Variants in SFMBT2 observed in about 807,000 individuals in gnomAD.
SFMBT2 encodes Scm like with four mbt domains 2, also known as scm-like with four MBT domains protein 2.
In SFMBT2, 38 loss-of-function variants were observed where a neutral mutation model predicts 110.1. That is an observed-to-expected ratio of 0.35 (90% CI 0.27 to 0.45). The LOEUF is 0.45. Among genes scored for constraint, SFMBT2 ranks in the 20% least tolerant of loss-of-function variants. SFMBT2 has a pLI of 1.00. For missense variants in SFMBT2, 1,011 were observed against 1,094.9 expected (o/e 0.92, Z 1.08); for synonymous variants, 425 against 425.4 (o/e 1.00, Z 0.01).
chr10:7,391,551 C>T (rs1424367474), intron 1 of SFMBT2, among the ~76,000 whole-genome samples: 3 of 151,984 alleles, frequency 2.0e-5, no homozygotes, highest in Non-Finnish European at 4.4e-5. Context: ...CTTCCCCCTA[C>T]GTCCACCCAG....
intron 9 of SFMBT2, among the ~76,000 whole-genome samples, chr10:7,228,726 T>TC (rs1370650924): frequency 2.6e-4 from 28 of 106,040 alleles, no homozygotes; most frequent in African/African-American, 8.9e-4. Flanking sequence ...TTTCTTTCTT[T>TC]CTTTCTTTCC....
Position 7,171,653 on chromosome 10 carries a change from G to A in SFMBT2, c.2415+242C>T, listed in dbSNP as rs1001671112. 3.5e-6 allele frequency: 3 copies of A among 868,252 alleles called. No homozygotes were observed. The Admixed American group carries it at 1.9e-4, about 54-fold the overall frequency. The allele number at this position is 868,252 out of a possible 1,614,324, so 53.8% of individuals were successfully genotyped here. ...CCTCCTCCTGACAAGAACCCAGGTGGCACTAAAGCCGTCCAGGAAAGAGGC... is the reference window on the plus strand; with the variant it reads ...CCTCCTCCTGACAAGAACCCAGGTGACACTAAAGCCGTCCAGGAAAGAGGC... On this transcript the variant is annotated intron_variant, in intron 19 of 20. Transcript: ENST00000397167. This position sits in a 1 kb window ranked among gnomAD's most constrained non-coding sequence, Gnocchi z 4.9.
chr10:7,286,456 A>C (rs1842091131), intron 4 of SFMBT2: 1 of 729,728 alleles, frequency 1.4e-6, no homozygotes, highest in South Asian at 6.2e-5. Context: ...AGAAATGGGG[A>C]GAATAAGTAG....
chr10:7,182,722 T>C (rs1312090201), intron 16 of SFMBT2, among the ~76,000 whole-genome samples: 6 of 25,182 alleles, frequency 2.4e-4, no homozygotes, highest in Admixed American at 5.6e-4. Context: ...TGTTGTGGGG[T>C]GGGGGAGGGG....
chr10:7,374,673 C>G (rs765937328), intron 2 of SFMBT2, among the ~76,000 whole-genome samples: 1 of 152,128 alleles, frequency 6.6e-6, no homozygotes, highest in Non-Finnish European at 1.5e-5. Context: ...AAGCTCTGTC[C>G]CTCTCTGCTG....
intron 10 of SFMBT2, 114 bp from the exon 11 acceptor site, chr10:7,220,651 G>T: frequency 9.5e-7 from 1 of 1,055,904 alleles, no homozygotes; most frequent in Non-Finnish European, 1.4e-6. Context: ...GACAAGACAG[G>T]CTCACGTATG....
intron 4 of SFMBT2, among the ~76,000 whole-genome samples, chr10:7,339,101 A>G (rs1304152540): frequency 1.3e-5 from 2 of 152,126 alleles, no homozygotes; most frequent in East Asian, 3.9e-4. Flanking sequence ...TTAGCCAGGC[A>G]TGATGACAGG....
chr10:7,372,154 G>A (rs967313209), intron 2 of SFMBT2, among the ~76,000 whole-genome samples: 1 of 152,096 alleles, frequency 6.6e-6, no homozygotes, highest in African/African-American at 2.4e-5. Flanking sequence ...CCGACCTCAG[G>A]TGACCCTCCC....
intron 1 of SFMBT2, among the ~76,000 whole-genome samples, chr10:7,402,814 A>G (rs944997452): frequency 1.3e-5 from 2 of 152,200 alleles, no homozygotes; most frequent in African/African-American, 4.8e-5. Context: ...GAAATAATCC[A>G]ATAAAAGACC....
rs7921974 is a variant in SFMBT2 at position 7,163,540 on chromosome 10, G to T, written c.*230C>A. On this transcript the variant is annotated 3_prime_UTR_variant, in exon 21 of 21. Transcript: ENST00000397167. This position sits in a 1 kb window ranked among gnomAD's most constrained non-coding sequence, Gnocchi z 4.8. ...AAGAAGCAGGCCCACGTCTGGCAGG[G>T]TCTGATGCATGACTTTAACTGGCAC... 3,770 of 488,964 alleles carry T rather than the reference G, an allele frequency of 7.7e-3. 138 individuals carry two copies. Among genetic ancestry groups the T allele is most frequent in the African/African-American group, 0.068 (3,434 of 50,536 alleles). The allele number at this position is 488,964 out of a possible 1,614,324, so 30.3% of individuals were successfully genotyped here.
intron 1 of SFMBT2, among the ~76,000 whole-genome samples, chr10:7,389,011 T>A (rs1222441954): frequency 6.6e-6 from 1 of 152,172 alleles, no homozygotes; most frequent in East Asian, 1.9e-4. Context: ...CCAAGAAGTA[T>A]TTGAGAGGCC....
chr10:7,312,764 A>G (rs565007948), intron 4 of SFMBT2, among the ~76,000 whole-genome samples: 1 of 152,270 alleles, frequency 6.6e-6, no homozygotes, highest in East Asian at 1.9e-4. Flanking sequence ...CCCAGAATAG[A>G]AAGTCATGCT....
intron 16 of SFMBT2, among the ~76,000 whole-genome samples, chr10:7,185,471 T>C (rs1229246168): frequency 6.6e-6 from 1 of 152,006 alleles, no homozygotes; most frequent in Non-Finnish European, 1.5e-5. Flanking sequence ...GTCAAATAAG[T>C]AAAAGCACAC....
At chr10:7,365,857 T>A (rs753860418) in intron 4 of SFMBT2, among the ~76,000 whole-genome samples, 1 of 151,812 alleles carries the variant, frequency 6.6e-6, no homozygotes, top group Admixed American at 6.6e-5. Flanking sequence ...ACTTTGGAGG[T>A]GATAAAAGAA....
At chr10:7,250,397 T>C (rs969337633) in intron 7 of SFMBT2, among the ~76,000 whole-genome samples, 17 of 140,082 alleles carry the variant, frequency 1.2e-4, no homozygotes, top group African/African-American at 4.1e-4. Context: ...GCTCCATCCA[T>C]GTTGCTGCAA....
In SFMBT2 at chr10:7,158,778, A is replaced by T. The variant is rs1028088817; in HGVS notation, c.*4992T>A. ...ATATACAGAATACAATCTTACAGCA[A>T]ACCAAAAGCATGCCCTTCGTCCTGC... On this transcript the variant is annotated 3_prime_UTR_variant, in exon 21 of 21. Coordinates refer to ENST00000397167, the MANE Select transcript of SFMBT2 (RefSeq NM_001387889.1). 6.6e-6 allele frequency: 1 copy of T among 152,190 alleles called. No homozygotes were observed. Among genetic ancestry groups the T allele is most frequent in the African/African-American group, 2.4e-5 (1 of 41,444 alleles). The allele number at this position is 152,190 out of a possible 1,614,324, so 9.4% of individuals were successfully genotyped here.
chr10:7,393,918 C>T (rs1845849755), intron 1 of SFMBT2, among the ~76,000 whole-genome samples: 1 of 152,230 alleles, frequency 6.6e-6, no homozygotes, highest in African/African-American at 2.4e-5. Flanking sequence ...ATAAGCCACT[C>T]TCTTGTTGAT....
intron 16 of SFMBT2, among the ~76,000 whole-genome samples, chr10:7,186,860 C>CT (rs1239712188): frequency 6.6e-6 from 1 of 152,206 alleles, no homozygotes; most frequent in Non-Finnish European, 1.5e-5. Flanking sequence ...TTAGCAGCTG[C>CT]TTTGAGACGC....
At chr10:7,329,820 CCTT>C (rs1255502094) in intron 4 of SFMBT2, among the ~76,000 whole-genome samples, 6 of 152,218 alleles carry the variant, frequency 3.9e-5, no homozygotes, top group Non-Finnish European at 7.3e-5. Context: ...AGCTGTGTCA[CCTT>C]CTCTCACTCA....
Sources: allele counts gnomAD v4.1 joint callset (sites outside exome capture counted in the v4.1 genomes callset), GRCh38; gene constraint gnomAD v4.1.1; non-coding constraint Gnocchi (gnomAD v3.1); transcripts MANE v1.5; gene names NCBI Gene and HGNC (gene_info 2026-07-23, HGNC 2026-07-21).